Variants in FHIT observed in about 807,000 individuals in gnomAD.
FHIT encodes the protein bis(5'-adenosyl)-triphosphatase.
In FHIT, 19 loss-of-function variants were observed where a neutral mutation model predicts 17.9. The observed-to-expected ratio is 1.06, with a 90% CI of 0.74 to 1.56. The LOEUF (loss-of-function observed/expected upper bound fraction) is 1.56. FHIT is among the 40% of genes most tolerant of loss of function. The pLI is 0.00. For missense variants in FHIT, 248 were observed against 189.2 expected, an observed-to-expected ratio of 1.31 and a Z score of -1.82; for synonymous variants, 81 against 69.7, an observed-to-expected ratio of 1.16 and a Z score of -0.81.
intron 5 of FHIT, among the ~76,000 whole-genome samples, chr3:60,334,135 A>G (rs1438570881): frequency 6.6e-6 from 1 of 152,132 alleles, no homozygotes; most frequent in Non-Finnish European, 1.5e-5. Flanking sequence ...AAGGACCTAG[A>G]CTGAACCCCT....
At chr3:60,185,140 T>C (rs1171302081) in intron 5 of FHIT, among the ~76,000 whole-genome samples, 2 of 152,182 alleles carry the variant, frequency 1.3e-5, no homozygotes, top group African/African-American at 4.8e-5. Context: ...GTTAGGTGTA[T>C]TTGTTGCTCC....
chr3:61,179,428 G>C (rs555368464), intron 2 of FHIT, among the ~76,000 whole-genome samples: 70 of 152,114 alleles, frequency 4.6e-4, no homozygotes, highest in African/African-American at 1.7e-3. Context: ...TATAAAATTA[G>C]TCCAGGCACA....
chr3:59,852,209 G>C (rs1158801252), intron 8 of FHIT, among the ~76,000 whole-genome samples: 1 of 152,022 alleles, frequency 6.6e-6, no homozygotes, highest in African/African-American at 2.4e-5. Context: ...TTAAACTCTT[G>C]GGTGGTGCTT....
At chr3:60,768,572 A>G (rs1260275187) in intron 4 of FHIT, among the ~76,000 whole-genome samples, 4 of 152,238 alleles carry the variant, frequency 2.6e-5, no homozygotes, top group African/African-American at 9.6e-5. Flanking sequence ...AGAAACATCA[A>G]TAAGGAAATC....
At chr3:60,982,263 A>G (rs1710529328) in intron 3 of FHIT, among the ~76,000 whole-genome samples, 1 of 152,196 alleles carries the variant, frequency 6.6e-6, no homozygotes, top group African/African-American at 2.4e-5. Flanking sequence ...CTGTCCAGTG[A>G]AGGTTATAAA....
chr3:60,498,178 C>G (rs971033508), intron 5 of FHIT, among the ~76,000 whole-genome samples: 1 of 152,130 alleles, frequency 6.6e-6, no homozygotes, highest in Non-Finnish European at 1.5e-5. Flanking sequence ...AAAATGCAAC[C>G]AGTTTAAATA....
At chr3:60,727,321 A>G (rs1351791273) in intron 4 of FHIT, among the ~76,000 whole-genome samples, 2 of 152,194 alleles carry the variant, frequency 1.3e-5, no homozygotes, top group Non-Finnish European at 2.9e-5. Flanking sequence ...ATAGGGCACA[A>G]CGCTCCAGAG....
intron 5 of FHIT, among the ~76,000 whole-genome samples, chr3:60,427,230 G>A (rs1204063787): frequency 6.6e-6 from 1 of 152,100 alleles, no homozygotes; most frequent in Non-Finnish European, 1.5e-5. Context: ...GGAGACCTGA[G>A]AGCAGCTTCT....
At chr3:61,034,771 T>G (rs1375085623) in intron 3 of FHIT, among the ~76,000 whole-genome samples, 1 of 152,146 alleles carries the variant, frequency 6.6e-6, no homozygotes, top group Non-Finnish European at 1.5e-5. Flanking sequence ...CCCAGAAATC[T>G]CACTGGTAGG....
chr3:60,183,596 C>G (rs903391147), intron 5 of FHIT, among the ~76,000 whole-genome samples: 2 of 152,078 alleles, frequency 1.3e-5, no homozygotes, highest in African/African-American at 4.8e-5. Flanking sequence ...TTCAAAAAAT[C>G]ACACCACAGG....
At chr3:59,786,820 C>G (rs1235758289) in intron 8 of FHIT, among the ~76,000 whole-genome samples, 3 of 152,270 alleles carry the variant, frequency 2.0e-5, no homozygotes, top group African/African-American at 7.2e-5. Flanking sequence ...TCCCTCAATA[C>G]TCCAGCTGTT....
chr3:60,216,634 C>T (rs1035065760), intron 5 of FHIT, among the ~76,000 whole-genome samples: 1 of 152,154 alleles, frequency 6.6e-6, no homozygotes, highest in Admixed American at 6.5e-5. Flanking sequence ...AGTATGTTTA[C>T]TATCTGCTAA....
At chr3:59,828,211 T>C (rs1701040819) in intron 8 of FHIT, among the ~76,000 whole-genome samples, 1 of 152,232 alleles carries the variant, frequency 6.6e-6, no homozygotes, top group Admixed American at 6.5e-5. Context: ...GTGATCCTTT[T>C]TTCTATCTTC....
intron 2 of FHIT, among the ~76,000 whole-genome samples, chr3:61,089,813 A>G (rs1368497709): frequency 6.6e-6 from 1 of 152,218 alleles, no homozygotes. Context: ...TCAATTTGAC[A>G]TAAGAAAAAT....
chr3:60,833,679 G>A (rs564913718), intron 3 of FHIT, among the ~76,000 whole-genome samples: 2 of 152,200 alleles, frequency 1.3e-5, no homozygotes, highest in South Asian at 4.1e-4. Context: ...GTAACATCTT[G>A]GAAAGCTATT....
At chr3:61,217,007 G>T (rs1029347918) in intron 1 of FHIT, among the ~76,000 whole-genome samples, 5 of 149,450 alleles carry the variant, frequency 3.3e-5, no homozygotes, top group East Asian at 2.0e-4. Flanking sequence ...GGTAGGGGGA[G>T]GGGGGAGGGA....
chr3:59,920,410 A>G (rs1423417505), intron 8 of FHIT, among the ~76,000 whole-genome samples: 2 of 152,198 alleles, frequency 1.3e-5, no homozygotes, highest in Non-Finnish European at 2.9e-5. Context: ...AAAATGTGGG[A>G]AGTAGAAACA....
At chr3:60,216,072 G>T (rs1703683000) in intron 5 of FHIT, among the ~76,000 whole-genome samples, 2 of 151,992 alleles carry the variant, frequency 1.3e-5, no homozygotes, top group Non-Finnish European at 2.9e-5. Flanking sequence ...TTTCACTCTG[G>T]TCCACAGTGA....
chr3:59,796,119 C>G (rs1330019448), intron 8 of FHIT, among the ~76,000 whole-genome samples: 3 of 152,150 alleles, frequency 2.0e-5, no homozygotes, highest in Non-Finnish European at 4.4e-5. Context: ...AATTTGCTTT[C>G]AAGACAAAAC....
Sources: gnomAD v4.1 joint callset for allele counts (sites outside exome capture counted in the v4.1 genomes callset) on GRCh38, gnomAD v4.1.1 for gene constraint, MANE v1.5 for transcripts, NCBI Gene and HGNC (gene_info 2026-07-23, HGNC 2026-07-21) for gene names.